The following PTPRD variants were observed in gnomAD, a reference collection of about 807,000 sequenced individuals.
PTPRD encodes the protein protein tyrosine phosphatase receptor type D, also known as receptor-type tyrosine-protein phosphatase delta.
Under a neutral mutation model 214.5 loss-of-function variants are expected in PTPRD, and 34 were observed. The observed-to-expected ratio is 0.16, with a 90% confidence interval of 0.12 to 0.21. PTPRD has a LOEUF of 0.21. Ranked by LOEUF, PTPRD falls within the 10% of genes least tolerant of loss-of-function variation. The pLI, the probability that PTPRD is intolerant of heterozygous loss-of-function variation, is 1.00. For missense variants in PTPRD, 2,545 were observed against 2,398.7 expected, an observed-to-expected ratio of 1.06 and a Z score of -1.27; for synonymous variants, 1,128 against 845.7, an observed-to-expected ratio of 1.33 and a Z score of -5.79.
At chr9:8,468,797 A>G (rs2096595174) in intron 31 of PTPRD, among the ~76,000 whole-genome samples, 1 of 78,368 alleles carries the variant, frequency 1.3e-5, no homozygotes, top group Non-Finnish European at 3.0e-5. Flanking sequence ...TATCCATGGT[A>G]GAAAAAAAAA....
intron 5 of PTPRD, among the ~76,000 whole-genome samples, chr9:9,910,751 CG>C (rs1566219767): frequency 1.3e-5 from 2 of 151,880 alleles, no homozygotes; most frequent in African/African-American, 4.8e-5. Context: ...CTTAAAATAT[CG>C]GATGAAATTA....
rs192497949 is a variant in PTPRD, at chr9:8,394,157, G to A, written c.4211-4750C>T. 1.5e-3 allele frequency among the ~76,000 whole-genome samples: 229 copies of A among 151,020 alleles called. 1 individual carries two copies. Among genetic ancestry groups the A allele is most frequent in the African/African-American group, 5.4e-3 (223 of 41,274 alleles). ...CAGACTTTGAATAATGGGGTCATGT[G>A]GATTTTTTAAAACCACCAAGAAGAA... is the stretch of plus-strand genomic sequence containing the variant. On this transcript the variant is annotated intron_variant, in intron 36 of 45. Transcript: ENST00000381196.
chr9:9,299,273 C>T (rs541947477), intron 9 of PTPRD, among the ~76,000 whole-genome samples: 1 of 151,756 alleles, frequency 6.6e-6, no homozygotes, highest in Non-Finnish European at 1.5e-5. Context: ...AGATTTACAG[C>T]AGTGGTTATC....
In PTPRD at chr9:9,256,562, A is replaced by C. The variant is rs74847042; in HGVS notation, c.-202-73199T>G. Reference sequence around the variant, plus strand: ...AGGAGGACCCTTTAAAGTGAAAATGACTTGCTAAACTGCTTCAACCAATGT... The same window carrying C: ...AGGAGGACCCTTTAAAGTGAAAATGCCTTGCTAAACTGCTTCAACCAATGT... On this transcript the variant is annotated intron_variant, in intron 9 of 45. Transcript: ENST00000381196. Among the ~76,000 whole-genome samples, 782 of 152,098 alleles carry C rather than the reference A, an allele frequency of 5.1e-3. 5 individuals are homozygous for C. The highest frequency in any genetic ancestry group is 8.7e-3 in the Non-Finnish European group (590 of 67,938).
intron 11 of PTPRD, among the ~76,000 whole-genome samples, chr9:8,767,126 C>G (rs1259442353): frequency 6.6e-6 from 1 of 151,140 alleles, no homozygotes. Flanking sequence ...ACTTTTTTTT[C>G]TTTTTTTTGA....
chr9:10,140,188 A>C (rs1374345772), intron 3 of PTPRD, among the ~76,000 whole-genome samples: 1 of 151,858 alleles, frequency 6.6e-6, no homozygotes, highest in Non-Finnish European at 1.5e-5. Flanking sequence ...TCCAGAATCT[A>C]TAAACCCCAA....
intron 8 of PTPRD, among the ~76,000 whole-genome samples, chr9:9,458,035 T>C (rs1422927552): frequency 4.6e-5 from 7 of 152,086 alleles, no homozygotes; most frequent in Admixed American, 4.6e-4. Context: ...ATCTATAAAA[T>C]TTGGTGAGAC....
At chr9:8,321,479 G>GTATATATA (rs1265617885) in intron 44 of PTPRD, among the ~76,000 whole-genome samples, 12 of 58,108 alleles carry the variant, frequency 2.1e-4, no homozygotes, top group African/African-American at 7.9e-4. Flanking sequence ...GTGTGTGTGT[G>GTATATATA]TGTGTGTGTA....
intron 10 of PTPRD, among the ~76,000 whole-genome samples, chr9:9,024,423 G>A (rs867391246): frequency 7.1e-6 from 1 of 141,214 alleles, no homozygotes; most frequent in Non-Finnish European, 1.5e-5. Flanking sequence ...CATGAATCAT[G>A]ATTAATTCCT....
intron 9 of PTPRD, among the ~76,000 whole-genome samples, chr9:9,283,342 A>C (rs73390828): frequency 0.017 from 2,622 of 151,594 alleles, 72 homozygotes; most frequent in African/African-American, 0.06. Flanking sequence ...CATAAATCAG[A>C]AGTATATTCA....
At chr9:9,785,374 T>A (rs1419370971) in intron 5 of PTPRD, among the ~76,000 whole-genome samples, 1 of 152,074 alleles carries the variant, frequency 6.6e-6, no homozygotes, top group African/African-American at 2.4e-5. Context: ...TGGAAAAACC[T>A]AGTACATGCT....
intron 9 of PTPRD, among the ~76,000 whole-genome samples, chr9:9,326,402 T>A (rs530798261): frequency 6.6e-6 from 1 of 152,200 alleles, no homozygotes; most frequent in East Asian, 1.9e-4. Context: ...ATATTTGAAA[T>A]AAAAGTTGCT....
At chr9:9,081,655 C>T (rs1204383106) in intron 10 of PTPRD, among the ~76,000 whole-genome samples, 1 of 151,990 alleles carries the variant, frequency 6.6e-6, no homozygotes, top group Non-Finnish European at 1.5e-5. Flanking sequence ...TCTCTAAGAA[C>T]TTGCTTTATG....
rs1015766888 is a variant in PTPRD at position 10,207,724 on chromosome 9, T to TTA, written c.-545+133237_-545+133238dup. ...GTTCTCTTTCATAGTGTTACAAAAA[T>TTA]TATATATATATTTAATAATTCTCAA... is the stretch of plus-strand genomic sequence containing the variant. On this transcript the variant is annotated intron_variant, in intron 3 of 45. Transcript: ENST00000381196. Among the ~76,000 whole-genome samples the TTA allele has an allele frequency of 1.8e-3, 270 of 151,708 alleles. 1 individual carries two copies. The highest frequency in any genetic ancestry group is 6.3e-3 in the African/African-American group (263 of 41,464).
At chr9:10,287,823 T>C (rs149955440) in intron 3 of PTPRD, among the ~76,000 whole-genome samples, 228 of 152,230 alleles carry the variant, frequency 1.5e-3, no homozygotes, top group African/African-American at 4.9e-3. Context: ...AAAGAAATTA[T>C]TGTCCAATCG....
chr9:8,489,286 C>T (rs2097100729), intron 27 of PTPRD, among the ~76,000 whole-genome samples: 1 of 152,120 alleles, frequency 6.6e-6, no homozygotes, highest in South Asian at 2.1e-4. Flanking sequence ...CCTTTCTTAT[C>T]CTGGGACAGA....
At chr9:8,458,300 T>G (rs920464380) in intron 33 of PTPRD, among the ~76,000 whole-genome samples, 2 of 152,170 alleles carry the variant, frequency 1.3e-5, no homozygotes, top group African/African-American at 4.8e-5. Flanking sequence ...TAAAAATTAT[T>G]AGGGCTATAA....
chr9:10,358,326 G>A (rs2097314860), intron 2 of PTPRD, among the ~76,000 whole-genome samples: 1 of 151,898 alleles, frequency 6.6e-6, no homozygotes, highest in Non-Finnish European at 1.5e-5. Context: ...TTAATGCATG[G>A]TGAACCTATT....
intron 11 of PTPRD, among the ~76,000 whole-genome samples, chr9:8,972,727 T>G (rs543123840): frequency 6.6e-5 from 10 of 152,106 alleles, no homozygotes; most frequent in Non-Finnish European, 1.5e-4. Flanking sequence ...AACTTCCTAG[T>G]GATGCTTATA....
Sources: gnomAD v4.1 joint callset for allele counts (sites outside exome capture counted in the v4.1 genomes callset) on GRCh38, gnomAD v4.1.1 for gene constraint, MANE v1.5 for transcripts, NCBI Gene and HGNC (gene_info 2026-07-23, HGNC 2026-07-21) for gene names.